KALRN: variants seen among roughly 807,000 people sequenced by gnomAD.
The protein encoded by KALRN is kalirin RhoGEF kinase, also known as kalirin.
In KALRN, 70 loss-of-function variants were observed where a neutral mutation model predicts 353.7. The ratio of observed to expected loss-of-function variants is 0.20; its 90% CI spans 0.16 to 0.24. KALRN has a LOEUF of 0.24. Ranked by LOEUF, KALRN falls within the 10% of genes least tolerant of loss-of-function variation. KALRN has a pLI of 1.00. For synonymous variants in KALRN, 1,391 were observed against 1,434.8 expected, an observed-to-expected ratio of 0.97 and a Z score of 0.69; for missense variants, 2,791 against 3,756.7, an observed-to-expected ratio of 0.74 and a Z score of 6.72.
At chr3:124,291,127 C>T (rs972886950) in intron 5 of KALRN, among the ~76,000 whole-genome samples, 3 of 152,166 alleles carry the variant, frequency 2.0e-5, no homozygotes, top group Admixed American at 6.5e-5. Flanking sequence ...GCTCAGCCAT[C>T]GGCTTAGGTG....
chr3:124,210,448 C>T (rs1224048656), intron 1 of KALRN, among the ~76,000 whole-genome samples: 1 of 152,090 alleles, frequency 6.6e-6, no homozygotes, highest in Non-Finnish European at 1.5e-5. Flanking sequence ...GGTTCTTATC[C>T]CTAAGGTTCT....
At chr3:124,585,675 G>C (rs948236182) in intron 34 of KALRN, among the ~76,000 whole-genome samples, 1 of 152,194 alleles carries the variant, frequency 6.6e-6, no homozygotes, top group Non-Finnish European at 1.5e-5. Flanking sequence ...TCCCAAATAG[G>C]ATAAGCAGAT....
At chr3:124,275,639 C>T (rs1334080545) in intron 5 of KALRN, among the ~76,000 whole-genome samples, 1 of 152,222 alleles carries the variant, frequency 6.6e-6, no homozygotes, top group African/African-American at 2.4e-5. Flanking sequence ...CCTTCCTTCT[C>T]CCTGCACTAT....
intron 3 of KALRN, among the ~76,000 whole-genome samples, chr3:124,239,015 A>T (rs1186715768): frequency 1.3e-5 from 2 of 152,200 alleles, no homozygotes; most frequent in Non-Finnish European, 2.9e-5. Context: ...CTGAGTGTCT[A>T]CTATGAGACA....
At chr3:124,477,401 A>T (rs2061528767) in intron 27 of KALRN, 67 bp downstream of exon 27, 4 of 1,130,118 alleles carry the variant, frequency 3.5e-6, no homozygotes, top group Non-Finnish European at 5.4e-6. Context: ...CTTTGGCATA[A>T]TGGATGGATA....
chr3:124,607,927 A>G (rs1320492212), intron 34 of KALRN, among the ~76,000 whole-genome samples: 1 of 152,104 alleles, frequency 6.6e-6, no homozygotes, highest in Non-Finnish European at 1.5e-5. Context: ...TTTTATAATT[A>G]ACATTGTATC....
At chr3:124,448,035 A>G (rs1056682256) in intron 21 of KALRN, among the ~76,000 whole-genome samples, 10 of 152,212 alleles carry the variant, frequency 6.6e-5, no homozygotes, top group Non-Finnish European at 1.5e-4. Context: ...TAGGGCTTAT[A>G]ATGAGCCATT....
intron 40 of KALRN, 37 bp from the exon 41 acceptor site, chr3:124,657,697 A>T (rs749722706): frequency 2.7e-6 from 4 of 1,506,614 alleles, no homozygotes; most frequent in Non-Finnish European, 3.7e-6. Context: ...GTTCTGAATA[A>T]TGTGGCTTCC....
chr3:124,671,985 G>A, intron 48 of KALRN, 87 bp downstream of exon 48: 1 of 1,035,746 alleles, frequency 9.7e-7, no homozygotes, highest in Non-Finnish European at 1.5e-6. Flanking sequence ...GTCTCGGTCT[G>A]TCATCCAGGC....
At chr3:124,402,495 G>C (rs952849320) in intron 13 of KALRN, among the ~76,000 whole-genome samples, 1 of 152,110 alleles carries the variant, frequency 6.6e-6, no homozygotes, top group Non-Finnish European at 1.5e-5. Flanking sequence ...ATTTTGTGAT[G>C]GTAAGAATAC....
rs146834794 is a variant in KALRN, at chr3:124,483,444, C to A, written c.4284+544C>A. On this transcript the variant is annotated intron_variant, in intron 28 of 59. Coordinates refer to ENST00000682506, the MANE Select transcript of KALRN (RefSeq NM_001388419.1). ...GTGTGCACCTGTAATCCCAATTACT[C>A]GGGAGGCTGAGGCAAGAGAATCACT... 2.0e-5 allele frequency among the ~76,000 whole-genome samples: 3 copies of A among 152,104 alleles called. No individual in the cohort carries two copies. The South Asian group carries it at 6.2e-4, about 32-fold the overall frequency.
intron 1 of KALRN, among the ~76,000 whole-genome samples, chr3:124,176,785 T>C (rs768828813): frequency 1.6e-4 from 25 of 152,202 alleles, no homozygotes; most frequent in Admixed American, 2.6e-4. Flanking sequence ...TTGGGAGATG[T>C]ATTTTCTAAC....
In KALRN at chr3:124,492,874, T is replaced by G; in HGVS notation, c.4824T>G (p.Asn1608Lys). The G allele has an allele frequency of 6.2e-7, 1 of 1,613,920 alleles. No individual in the cohort carries two copies. The highest frequency in any genetic ancestry group is 8.5e-7 in the Non-Finnish European group (1 of 1,179,896). ...LPKTPAKQRN[N>K]SKRDGVEDID... Reference sequence around the variant, plus strand: ...AAACACCAGCCAAACAGAGGAACAATAGTAAGAGGTAACCAGCACCTCTCC... The same window carrying G: ...AAACACCAGCCAAACAGAGGAACAAGAGTAAGAGGTAACCAGCACCTCTCC... The change falls in exon 32 of 60, where the codon AAT becomes AAG. Residue 1608 changes from asparagine (N) to lysine (K), a missense_variant. This residue lies in a region of KALRN where 239 missense variants were observed against 351.3 expected (regional missense o/e 0.68). Coordinates refer to ENST00000682506, the MANE Select transcript of KALRN (RefSeq NM_001388419.1).
chr3:124,561,661 C>T (rs2072028476), intron 33 of KALRN, among the ~76,000 whole-genome samples: 1 of 152,138 alleles, frequency 6.6e-6, no homozygotes, highest in African/African-American at 2.4e-5. Flanking sequence ...AAAATTTGGG[C>T]CCTGAAGGCT....
intron 11 of KALRN, among the ~76,000 whole-genome samples, chr3:124,390,500 C>G (rs1046067566): frequency 6.6e-6 from 1 of 152,166 alleles, no homozygotes; most frequent in African/African-American, 2.4e-5. Flanking sequence ...CTAAATTGGT[C>G]TTCAAGAGAG....
intron 5 of KALRN, among the ~76,000 whole-genome samples, chr3:124,292,662 A>T (rs1560481702): frequency 1.3e-5 from 2 of 152,044 alleles, no homozygotes; most frequent in African/African-American, 4.8e-5. Context: ...GTGCATGTCT[A>T]GGTGGGTGGG....
intron 1 of KALRN, among the ~76,000 whole-genome samples, chr3:124,210,339 G>A (rs1262657247): frequency 6.6e-6 from 1 of 152,114 alleles, no homozygotes; most frequent in South Asian, 2.1e-4. Flanking sequence ...ATAGCTTATG[G>A]TGTGTAATAG....
chr3:124,678,255 A>G lies in KALRN; in HGVS notation c.7259A>G (p.Asn2420Ser), dbSNP rs1301775659. 6.2e-7 allele frequency: 1 copy of G among 1,614,082 alleles called. No individual in the cohort carries two copies. The highest frequency in any genetic ancestry group is 1.1e-5 in the South Asian group (1 of 91,076). ...GCGGAAGTGGAGAACACGGGTAAAA[A>G]TGAAGCCACAGGGCCTCGTAAACCC... is the stretch of plus-strand genomic sequence containing the variant. ...KRAEVENTGK[N>S]EATGPRKPKD... Residue 2420 changes from asparagine (N) to serine (S), a missense_variant, in exon 50 of 60, where the codon AAT becomes AGT. Asn to Ser is a conservative substitution (Grantham distance 46, BLOSUM62 1). Coordinates refer to ENST00000682506, the MANE Select transcript of KALRN (RefSeq NM_001388419.1).
At chr3:124,654,331 A>G (rs953853563) in intron 38 of KALRN, among the ~76,000 whole-genome samples, 2 of 152,226 alleles carry the variant, frequency 1.3e-5, no homozygotes, top group African/African-American at 4.8e-5. Flanking sequence ...CATTGCCCAG[A>G]GGCCCCAGGC....
Sources: allele counts gnomAD v4.1 joint callset (sites outside exome capture counted in the v4.1 genomes callset), GRCh38; gene constraint gnomAD v4.1.1; regional missense constraint gnomAD v4.1.1; transcripts MANE v1.5; gene names NCBI Gene and HGNC (gene_info 2026-07-23, HGNC 2026-07-21).